The following FOXO1 variants were observed in gnomAD, a reference collection of about 807,000 sequenced individuals.
The protein encoded by FOXO1 is forkhead box protein O1.
FOXO1 carries 6 observed loss-of-function variants against 44.1 expected under a neutral mutation model. The ratio of observed to expected loss-of-function variants is 0.14; its 90% CI spans 0.07 to 0.27. The LOEUF is 0.27. Ranked by LOEUF, FOXO1 falls within the 10% of genes least tolerant of loss-of-function variation. The probability of loss-of-function intolerance (pLI) is 1.00; values close to 1 mark genes in which losing one functional copy is unlikely to be tolerated. For synonymous variants in FOXO1, 380 were observed against 362.7 expected, an observed-to-expected ratio of 1.05 and a Z score of -0.54; for missense variants, 737 against 888.8, an observed-to-expected ratio of 0.83 and a Z score of 2.17.
chr13:40,599,304 G>A lies in FOXO1; in HGVS notation c.631-38444C>T, dbSNP rs149707780. On this transcript the variant is annotated intron_variant, in intron 1 of 2. Transcript: ENST00000379561. ...CTACTATACAATTCAGAATGAGAGC[G>A]ACTGCTTCTGTCTAAAAGAGATGGG... 1.5e-3 allele frequency among the ~76,000 whole-genome samples: 221 copies of A among 151,932 alleles called. 6 individuals carry two copies. The East Asian group carries it at 0.028, about 19-fold the overall frequency.
At chr13:40,606,014 G>A (rs777063099) in intron 1 of FOXO1, among the ~76,000 whole-genome samples, 2 of 152,114 alleles carry the variant, frequency 1.3e-5, no homozygotes, top group Non-Finnish European at 2.9e-5. Flanking sequence ...TAATGTAGTG[G>A]AATTTACTGA....
intron 1 of FOXO1, among the ~76,000 whole-genome samples, chr13:40,566,879 T>C (rs184656594): frequency 3.3e-5 from 5 of 152,130 alleles, no homozygotes; most frequent in African/African-American, 1.2e-4. Flanking sequence ...ATAAAGATGA[T>C]CAAGTGAACA....
Position 40,663,612 on chromosome 13 carries a change from G to A in FOXO1, c.630+1971C>T, listed in dbSNP as rs563592696. On this transcript the variant is annotated intron_variant, in intron 1 of 2. Transcript: ENST00000379561. Reference sequence around the variant, plus strand: ...GTAAGTCAAGTACTTAAATTCAAATGTTAAGTAAAACAAGATTTGGCAGAC... The same window carrying A: ...GTAAGTCAAGTACTTAAATTCAAATATTAAGTAAAACAAGATTTGGCAGAC... Among the ~76,000 whole-genome samples, 5 of 152,180 alleles carry A rather than the reference G, an allele frequency of 3.3e-5. No homozygotes were observed. In the South Asian group the frequency reaches 1.0e-3, roughly 32 times the overall value.
intron 1 of FOXO1, among the ~76,000 whole-genome samples, chr13:40,572,889 G>C (rs775433664): frequency 5.3e-5 from 8 of 152,136 alleles, no homozygotes; most frequent in African/African-American, 1.9e-4. Context: ...TAATACAAAA[G>C]ACATGGTCCC....
chr13:40,664,058 A>G (rs1180146108), intron 1 of FOXO1, among the ~76,000 whole-genome samples: 1 of 152,180 alleles, frequency 6.6e-6, no homozygotes, highest in Non-Finnish European at 1.5e-5. Context: ...GCCGATCACG[A>G]GGTCAGGAGA....
chr13:40,642,265 A>C (rs186605561), intron 1 of FOXO1, among the ~76,000 whole-genome samples: 58 of 152,280 alleles, frequency 3.8e-4, no homozygotes, highest in Admixed American at 2.0e-3. Context: ...CACATTCTTA[A>C]GAAGTGCTAG....
chr13:40,655,702 G>C (rs965651055), intron 1 of FOXO1, among the ~76,000 whole-genome samples: 24 of 139,600 alleles, frequency 1.7e-4, no homozygotes, highest in African/African-American at 6.7e-4. Flanking sequence ...GAGTGTCGTG[G>C]CATAATCTCA....
intron 1 of FOXO1, among the ~76,000 whole-genome samples, chr13:40,630,301 G>A (rs539729761): frequency 6.6e-6 from 1 of 152,102 alleles, no homozygotes; most frequent in African/African-American, 2.4e-5. Flanking sequence ...TAAACAGTCT[G>A]GGGCTGTTTG....
Position 40,647,204 on chromosome 13 carries a change from T to C in FOXO1, c.630+18379A>G, listed in dbSNP as rs1034310212. Among the ~76,000 whole-genome samples the C allele has an allele frequency of 2.6e-5, 4 of 152,300 alleles. No individual in the cohort carries two copies. The East Asian group carries it at 7.7e-4, about 29-fold the overall frequency. On this transcript the variant is annotated intron_variant, in intron 1 of 2. Transcript: ENST00000379561. ...ACAATCTTTATTCACCATATAATTC[T>C]TCCCCTCATCCTCCTTTAACTTGTG...
chr13:40,619,617 T>C, intron 1 of FOXO1: 1 of 1,541,350 alleles, frequency 6.5e-7, no homozygotes, highest in South Asian at 1.1e-5. Context: ...GGTCATCTAG[T>C]CCTGTGGCTA....
intron 1 of FOXO1, among the ~76,000 whole-genome samples, chr13:40,572,503 T>C (rs1265020958): frequency 6.6e-6 from 1 of 152,176 alleles, no homozygotes; most frequent in Non-Finnish European, 1.5e-5. Context: ...ACCTGCAATG[T>C]TGGGTTTTCC....
At chr13:40,655,501 C>T (rs940983509) in intron 1 of FOXO1, among the ~76,000 whole-genome samples, 3 of 152,050 alleles carry the variant, frequency 2.0e-5, no homozygotes, top group African/African-American at 7.2e-5. Flanking sequence ...GTAACTTAGA[C>T]ATTTAATAAA....
chr13:40,628,393 C>T (rs1237550774), intron 1 of FOXO1, among the ~76,000 whole-genome samples: 2 of 127,278 alleles, frequency 1.6e-5, no homozygotes, highest in African/African-American at 6.2e-5. Context: ...ACACACACCC[C>T]GTGAGGGTTT....
At chr13:40,634,036 G>A (rs2137915535) in intron 1 of FOXO1, among the ~76,000 whole-genome samples, 1 of 152,196 alleles carries the variant, frequency 6.6e-6, no homozygotes, top group Non-Finnish European at 1.5e-5. Flanking sequence ...TGAATTATGG[G>A]AAGTTTCATA....
intron 1 of FOXO1, among the ~76,000 whole-genome samples, chr13:40,592,553 A>G (rs1022496800): frequency 6.6e-6 from 1 of 152,190 alleles, no homozygotes; most frequent in Admixed American, 6.5e-5. Context: ...AATATCTCCA[A>G]TTCTCCTCTC....
intron 1 of FOXO1, among the ~76,000 whole-genome samples, chr13:40,565,666 C>G (rs1356781955): frequency 2.0e-5 from 3 of 152,198 alleles, no homozygotes; most frequent in Non-Finnish European, 4.4e-5. Context: ...ACTCAAGTAT[C>G]TGTTGAACAG....
intron 1 of FOXO1, among the ~76,000 whole-genome samples, chr13:40,608,473 T>TA (rs1209521543): frequency 1.3e-5 from 2 of 152,168 alleles, no homozygotes; most frequent in Admixed American, 1.3e-4. Context: ...AATAAATACA[T>TA]ACAGTTGCAT....
chr13:40,664,945 C>T (rs1225201379), intron 1 of FOXO1, among the ~76,000 whole-genome samples: 2 of 152,002 alleles, frequency 1.3e-5, no homozygotes, highest in East Asian at 3.9e-4. Context: ...GGAGGCACCA[C>T]CTCGGGCTCG....
chr13:40,624,160 C>T (rs189373332), intron 1 of FOXO1, among the ~76,000 whole-genome samples: 14 of 151,442 alleles, frequency 9.2e-5, no homozygotes, highest in South Asian at 2.1e-4. Flanking sequence ...AAAGCCTAGA[C>T]GACCCTCTGC....
Sources: gnomAD v4.1 joint callset for allele counts (sites outside exome capture counted in the v4.1 genomes callset) on GRCh38, gnomAD v4.1.1 for gene constraint, MANE v1.5 for transcripts, NCBI Gene and HGNC (gene_info 2026-07-23, HGNC 2026-07-21) for gene names.